Variants in SIL1 observed in about 807,000 individuals in gnomAD.
The protein encoded by SIL1 is nucleotide exchange factor SIL1.
In SIL1, 40 loss-of-function variants were observed where a neutral mutation model predicts 49.1. The ratio of observed to expected loss-of-function variants is 0.81; its 90% CI spans 0.63 to 1.06. SIL1 has a LOEUF of 1.06. Among genes scored for constraint, SIL1 ranks in the 50% least tolerant of loss-of-function variants. SIL1 has a pLI of 0.00. For synonymous variants in SIL1, 253 were observed against 250.8 expected (o/e 1.01, Z -0.08); for missense variants, 500 against 572.6 (o/e 0.87, Z 1.29).
intron 1 of SIL1, among the ~76,000 whole-genome samples, chr5:139,138,074 T>C (rs1035759823): frequency 2.0e-5 from 3 of 151,560 alleles, no homozygotes; most frequent in East Asian, 3.9e-4. Flanking sequence ...TCAAGCTTCC[T>C]AGCTATACAC....
chr5:139,039,967 T>A (rs923144375), intron 5 of SIL1, among the ~76,000 whole-genome samples: 9 of 152,162 alleles, frequency 5.9e-5, no homozygotes, highest in African/African-American at 2.2e-4. Flanking sequence ...CCTACCAAGC[T>A]ACCGATGGAT....
Position 139,121,175 on chromosome 5 carries a change from T to C in SIL1, c.106-2A>G. 5 of 1,613,986 alleles carry C rather than the reference T, an allele frequency of 3.1e-6. No individual in the cohort carries two copies. Among genetic ancestry groups the C allele is most frequent in the Non-Finnish European group, 3.4e-6 (4 of 1,179,928 alleles). On this transcript the variant is annotated splice_acceptor_variant, in intron 2 of 9. Coordinates refer to ENST00000394817, the MANE Select transcript of SIL1 (RefSeq NM_022464.5). LOFTEE classifies it high-confidence loss of function. ...TGGGTTGGTCAGGGCAAACTCCTTCTGAGAAAAGAAAACACAGGGCATGAC... is the reference window on the plus strand; with the variant it reads ...TGGGTTGGTCAGGGCAAACTCCTTCCGAGAAAAGAAAACACAGGGCATGAC...
intron 3 of SIL1, among the ~76,000 whole-genome samples, chr5:139,067,366 A>T (rs1289666185): frequency 6.6e-6 from 1 of 152,224 alleles, no homozygotes; most frequent in Admixed American, 6.5e-5. Flanking sequence ...ACTAAACCAC[A>T]CACATCAGAC....
At chr5:139,071,218 G>A (rs1008214978) in intron 3 of SIL1, among the ~76,000 whole-genome samples, 1 of 148,764 alleles carries the variant, frequency 6.7e-6, no homozygotes. Context: ...AAAGCAGGGG[G>A]TGGGGGTGGG....
In SIL1 at chr5:139,121,305, G is replaced by C. The variant is rs11750382; in HGVS notation, c.106-132C>G. ...CACAGCCTGATATGTCTGGACACTC[G>C]CAATTCCTTTCCCAAGGTCAGCCTC... On this transcript the variant is annotated intron_variant, in intron 2 of 9. Transcript: ENST00000394817. 705 of 1,238,384 alleles carry C rather than the reference G, an allele frequency of 5.7e-4. 2 individuals are homozygous for C. The highest frequency in any genetic ancestry group is 7.6e-4 in the Non-Finnish European group (661 of 865,774). The allele number at this position is 1,238,384 out of a possible 1,614,324, so 76.7% of individuals were successfully genotyped here. A position where few individuals can be genotyped will look rare whatever the true frequency, so the allele number is the denominator to read the frequency against.
At chr5:139,161,195 A>G (rs1314036857) in intron 1 of SIL1, among the ~76,000 whole-genome samples, 1 of 152,214 alleles carries the variant, frequency 6.6e-6, no homozygotes. Flanking sequence ...ATGAACTGAG[A>G]TCGCGCCATT....
intron 3 of SIL1, among the ~76,000 whole-genome samples, chr5:139,055,625 T>A (rs1345812856): frequency 1.5e-5 from 1 of 65,594 alleles, no homozygotes; most frequent in Non-Finnish European, 2.8e-5. Context: ...TCTCCCCCTC[T>A]CCCCCTCTCC....
At chr5:139,087,191 A>T (rs1770242229) in intron 3 of SIL1, among the ~76,000 whole-genome samples, 1 of 151,996 alleles carries the variant, frequency 6.6e-6, no homozygotes, top group African/African-American at 2.4e-5. Context: ...ACAATCAGAC[A>T]TCAACACCAG....
intron 3 of SIL1, among the ~76,000 whole-genome samples, chr5:139,099,775 C>A (rs1251441746): frequency 2.6e-5 from 4 of 151,812 alleles, no homozygotes. Flanking sequence ...TTACCATAGG[C>A]TAGGAAAGGG....
At chr5:138,987,082 A>ATTT (rs1767663527) in intron 7 of SIL1, among the ~76,000 whole-genome samples, 1 of 135,450 alleles carries the variant, frequency 7.4e-6, no homozygotes, top group Non-Finnish European at 1.6e-5. Context: ...TTTATGATAG[A>ATTT]TTATTTTATT....
At position 139,164,920 on chromosome 5, in the gene SIL1, A is replaced by G. The variant is rs531930468; in HGVS notation, c.-11+33349T>C. The stretch of plus-strand genomic sequence containing the variant: ...TTTCCAATCTGACTCTGGCATAACA[A>G]GGAAGAAAATAAAAATATTTTACCC... On this transcript the variant is annotated intron_variant, in intron 1 of 9. Coordinates refer to ENST00000394817, the MANE Select transcript of SIL1 (RefSeq NM_022464.5). 6.0e-4 allele frequency among the ~76,000 whole-genome samples: 91 copies of G among 152,376 alleles called. 1 individual carries two copies. The highest frequency in any genetic ancestry group is 2.2e-3 in the African/African-American group (91 of 41,592).
intron 7 of SIL1, among the ~76,000 whole-genome samples, chr5:138,969,032 C>A (rs1434796168): frequency 1.3e-5 from 2 of 152,130 alleles, no homozygotes; most frequent in Non-Finnish European, 2.9e-5. Flanking sequence ...TGGTCAATAA[C>A]CCCCTGAGGT....
intron 3 of SIL1, among the ~76,000 whole-genome samples, chr5:139,094,797 CTG>C (rs1241240536): frequency 6.6e-6 from 1 of 152,202 alleles, no homozygotes; most frequent in African/African-American, 2.4e-5. Context: ...TATCCTCTTC[CTG>C]TTCCAGCATC....
chr5:139,184,629 C>T (rs184336430), intron 1 of SIL1, among the ~76,000 whole-genome samples: 1 of 152,264 alleles, frequency 6.6e-6, no homozygotes, highest in Non-Finnish European at 1.5e-5. Flanking sequence ...GCTACGATCA[C>T]ACCACTGTTA....
chr5:139,119,418 G>A (rs1750559340), intron 3 of SIL1, among the ~76,000 whole-genome samples: 1 of 152,188 alleles, frequency 6.6e-6, no homozygotes, highest in Admixed American at 6.5e-5. Context: ...AGGAGTCGAG[G>A]CCACAGGACA....
intron 1 of SIL1, among the ~76,000 whole-genome samples, chr5:139,170,908 G>A (rs1751746913): frequency 6.7e-6 from 1 of 149,846 alleles, no homozygotes; most frequent in Admixed American, 6.6e-5. Context: ...GGGAAGTGAG[G>A]AGCCCCTCTG....
At chr5:139,045,928 T>C (rs541410669) in intron 4 of SIL1, among the ~76,000 whole-genome samples, 1 of 152,336 alleles carries the variant, frequency 6.6e-6, no homozygotes. Flanking sequence ...AAGCCACCAT[T>C]ATGTCCTACC....
intron 1 of SIL1, among the ~76,000 whole-genome samples, chr5:139,145,289 T>A (rs1425820411): frequency 6.6e-6 from 1 of 152,194 alleles, no homozygotes; most frequent in Non-Finnish European, 1.5e-5. Context: ...TCACACCTAC[T>A]AGGTATGGTT....
At chr5:139,032,504 G>T (rs150498727) in intron 5 of SIL1, among the ~76,000 whole-genome samples, 16 of 152,224 alleles carry the variant, frequency 1.1e-4, no homozygotes, top group African/African-American at 3.9e-4. Context: ...TTCCATGTTC[G>T]TGAGGAATGT....
Sources: allele counts gnomAD v4.1 joint callset (sites outside exome capture counted in the v4.1 genomes callset), GRCh38; gene constraint gnomAD v4.1.1; transcripts MANE v1.5; gene names NCBI Gene and HGNC (gene_info 2026-07-23, HGNC 2026-07-21).